Variants in WASF2 observed in about 807,000 individuals in gnomAD.
WASF2 encodes the protein actin-binding protein WASF2.
WASF2 carries 14 observed loss-of-function variants against 45.0 expected under a neutral mutation model. The ratio of observed to expected loss-of-function variants is 0.31; its 90% CI spans 0.21 to 0.49. WASF2 has a LOEUF of 0.49. WASF2 is among the 20% of genes least tolerant of loss of function. WASF2 has a pLI of 0.99. For synonymous variants in WASF2, 200 were observed against 236.3 expected (o/e 0.85, Z 1.41); for missense variants, 439 against 636.1 (o/e 0.69, Z 3.33).
rs2016680164 is a variant in WASF2, at chr1:27,406,636, T to C, written c.*1553A>G. On this transcript the variant is annotated 3_prime_UTR_variant, in exon 9 of 9. Coordinates refer to ENST00000618852, the MANE Select transcript of WASF2 (RefSeq NM_006990.5). ...TAGTTAGGGCAGAAGAAAAGAAACC[T>C]CACTGTTGGCTAGAGCTGACCAGTT... 6.6e-6 allele frequency: 1 copy of C among 150,912 alleles called. No individual in the cohort carries two copies. The allele number at this position is 150,912 out of a possible 1,614,324, so 9.3% of individuals were successfully genotyped here. A position where few individuals can be genotyped will look rare whatever the true frequency, so the allele number is the denominator to read the frequency against.
chr1:27,486,637 G>A (rs2017929603), intron 1 of WASF2, among the ~76,000 whole-genome samples: 1 of 152,038 alleles, frequency 6.6e-6, no homozygotes, highest in Non-Finnish European at 1.5e-5. Flanking sequence ...TATAGCTAAA[G>A]ACTCAGCTGG....
At chr1:27,420,358 A>T (rs2016888369) in intron 2 of WASF2, among the ~76,000 whole-genome samples, 1 of 152,158 alleles carries the variant, frequency 6.6e-6, no homozygotes, top group Non-Finnish European at 1.5e-5. Context: ...TAGAAAAAGA[A>T]AAGTTCCGTA....
intron 1 of WASF2, among the ~76,000 whole-genome samples, chr1:27,485,439 G>T (rs1429624933): frequency 6.6e-6 from 1 of 151,860 alleles, no homozygotes; most frequent in Non-Finnish European, 1.5e-5. Context: ...AAGAAAAAAA[G>T]AAAATAAAAG....
At chr1:27,409,484 C>T (rs960032059) in intron 8 of WASF2, among the ~76,000 whole-genome samples, 4 of 134,812 alleles carry the variant, frequency 3.0e-5, no homozygotes, top group African/African-American at 5.4e-5. Flanking sequence ...TTACTTTAAA[C>T]CAAGGTGGAA....
intron 2 of WASF2, among the ~76,000 whole-genome samples, chr1:27,425,655 G>A (rs1276124179): frequency 3.3e-5 from 5 of 152,052 alleles, no homozygotes; most frequent in Non-Finnish European, 5.9e-5. Context: ...TGGCTAACAC[G>A]GTGAAATCCT....
chr1:27,408,434 T>C lies in WASF2; in HGVS notation c.1340-88A>G, dbSNP rs2016710372. The C allele has an allele frequency of 3.3e-6, 5 of 1,530,624 alleles. No homozygotes were observed. In the South Asian group the frequency reaches 4.8e-5, roughly 15 times the overall value. 94.8% of individuals were successfully genotyped at this position (1,530,624 alleles called of 1,614,324 possible). Reference sequence around the variant, plus strand: ...CTGGGTAAGAGGGAGTGGCCACCAATGGGTAAGTGGTATTGGAAAGGATAG... The same window carrying C: ...CTGGGTAAGAGGGAGTGGCCACCAACGGGTAAGTGGTATTGGAAAGGATAG... On this transcript the variant is annotated intron_variant, in intron 8 of 8. Transcript: ENST00000618852.
intron 1 of WASF2, among the ~76,000 whole-genome samples, chr1:27,444,750 T>C (rs1404466209): frequency 1.3e-5 from 2 of 152,222 alleles, no homozygotes; most frequent in African/African-American, 4.8e-5. Context: ...AGGGTATCAG[T>C]CTTCCCAATC....
chr1:27,408,342 A>C lies in WASF2; in HGVS notation c.1344T>G (p.Phe448Leu), dbSNP rs779757145. 6.2e-7 allele frequency: 1 copy of C among 1,614,216 alleles called. No individual in the cohort carries two copies. Among genetic ancestry groups the C allele is most frequent in the Non-Finnish European group, 8.5e-7 (1 of 1,180,030 alleles). Residue 448 changes from phenylalanine to leucine, a missense_variant, in exon 9 of 9, where the codon TTT (phenylalanine) becomes TTG (leucine). Phe to Leu is a conservative substitution (Grantham distance 22). Around this residue, in one of 5 missense-constraint regions of WASF2, gnomAD observed 286 missense variants for 373.5 expected, o/e 0.77. Coordinates refer to ENST00000618852, the MANE Select transcript of WASF2 (RefSeq NM_006990.5). ...SDLLSAIRQG[F>L]QLRRVEEQRE... is the part of the protein sequence containing the mutation. Reference sequence around the variant, plus strand: ...GCTGCTCCTCAACCCTGCGCAGCTGAAAACCTAGTGGCAAAGAGACAGAAG... The same window carrying C: ...GCTGCTCCTCAACCCTGCGCAGCTGCAAACCTAGTGGCAAAGAGACAGAAG...
intron 1 of WASF2, among the ~76,000 whole-genome samples, chr1:27,467,925 A>C (rs192561603): frequency 2.5e-3 from 375 of 151,816 alleles, no homozygotes; most frequent in Middle Eastern, 0.01. Flanking sequence ...TTATCTTTTT[A>C]ATGTGCCAAA....
intron 1 of WASF2, among the ~76,000 whole-genome samples, chr1:27,489,146 A>G (rs1287846699): frequency 6.6e-6 from 1 of 151,874 alleles, no homozygotes; most frequent in Non-Finnish European, 1.5e-5. Context: ...GAGAACCAAG[A>G]GGACCCCAGC....
intron 1 of WASF2, among the ~76,000 whole-genome samples, chr1:27,463,860 T>G (rs765668610): frequency 6.7e-6 from 1 of 150,098 alleles, no homozygotes; most frequent in Non-Finnish European, 1.5e-5. Context: ...TGGAGTACAA[T>G]GGCAGGATCT....
At chr1:27,442,921 G>A (rs1029139016) in intron 1 of WASF2, among the ~76,000 whole-genome samples, 1 of 149,348 alleles carries the variant, frequency 6.7e-6, no homozygotes, top group African/African-American at 2.5e-5. Context: ...AACCTGGGAG[G>A]CAGAGGTTGC....
intron 1 of WASF2, among the ~76,000 whole-genome samples, chr1:27,483,866 G>A (rs1350926922): frequency 6.6e-6 from 1 of 151,522 alleles, no homozygotes; most frequent in Non-Finnish European, 1.5e-5. Context: ...GGCAAGAGGA[G>A]GACTGCTTGA....
intron 1 of WASF2, among the ~76,000 whole-genome samples, chr1:27,476,809 T>C (rs753416281): frequency 6.6e-6 from 1 of 152,206 alleles, no homozygotes; most frequent in Non-Finnish European, 1.5e-5. Context: ...TCTTCCCAGT[T>C]TGCAGATGAC....
At chr1:27,426,113 C>G (rs997689355) in intron 2 of WASF2, among the ~76,000 whole-genome samples, 7 of 152,058 alleles carry the variant, frequency 4.6e-5, no homozygotes, top group African/African-American at 7.2e-5. Flanking sequence ...GTCCTGAATG[C>G]TAGGCCAAGG....
intron 1 of WASF2, among the ~76,000 whole-genome samples, chr1:27,484,855 AT>A (rs2017902249): frequency 6.6e-6 from 1 of 151,926 alleles, no homozygotes; most frequent in South Asian, 2.1e-4. Flanking sequence ...CAGCTTTAAA[AT>A]TTGGCAAACA....
intron 1 of WASF2, among the ~76,000 whole-genome samples, chr1:27,479,470 T>G (rs1311720966): frequency 1.3e-5 from 2 of 152,188 alleles, no homozygotes; most frequent in African/African-American, 4.8e-5. Context: ...AATATAAATC[T>G]CATCTTAAAA....
chr1:27,444,719 C>A (rs2017289521), intron 1 of WASF2, among the ~76,000 whole-genome samples: 1 of 152,148 alleles, frequency 6.6e-6, no homozygotes, highest in Admixed American at 6.5e-5. Context: ...TACATTATAC[C>A]TATTTTAAGG....
intron 1 of WASF2, among the ~76,000 whole-genome samples, chr1:27,464,589 G>T (rs1232212825): frequency 6.6e-6 from 1 of 152,128 alleles, no homozygotes; most frequent in Non-Finnish European, 1.5e-5. Flanking sequence ...AGGCCACACA[G>T]TCAGCCCTCA....
Sources: gnomAD v4.1 joint callset for allele counts (sites outside exome capture counted in the v4.1 genomes callset) on GRCh38, gnomAD v4.1.1 for gene constraint, gnomAD v4.1.1 regional missense constraint, MANE v1.5 for transcripts, NCBI Gene and HGNC (gene_info 2026-07-23, HGNC 2026-07-21) for gene names.